PALLD: variants seen among roughly 807,000 people sequenced by gnomAD.
PALLD encodes the protein palladin.
A neutral mutation model predicts 123.5 loss-of-function variants in PALLD; 61 were observed. That is an observed-to-expected ratio of 0.49 (90% CI 0.40 to 0.61). PALLD has a LOEUF of 0.61. Ranked by LOEUF, PALLD falls within the 20% of genes least tolerant of loss-of-function variation. PALLD has a pLI of 0.00. For missense variants in PALLD, 1,273 were observed against 1,377.0 expected, an observed-to-expected ratio of 0.92 and a Z score of 1.20; for synonymous variants, 465 against 496.4, an observed-to-expected ratio of 0.94 and a Z score of 0.84.
chr4:168,840,728 T>C (rs941028427), intron 10 of PALLD, among the ~76,000 whole-genome samples: 2 of 152,222 alleles, frequency 1.3e-5, no homozygotes, highest in African/African-American at 2.4e-5. Context: ...GGTTGAGATA[T>C]GTGAAAGGCA....
chr4:168,693,654 A>G (rs1374274020), intron 8 of PALLD, among the ~76,000 whole-genome samples: 2 of 152,242 alleles, frequency 1.3e-5, no homozygotes, highest in Non-Finnish European at 2.9e-5. Context: ...TGGCAGAGAA[A>G]TATTTCTAGC....
intron 10 of PALLD, among the ~76,000 whole-genome samples, chr4:168,816,716 A>C (rs28712451): frequency 6.6e-6 from 1 of 151,756 alleles, no homozygotes; most frequent in Non-Finnish European, 1.5e-5. Flanking sequence ...CTGGTCCTTT[A>C]TGGTTTCCAA....
At chr4:168,719,122 G>C (rs13104002) in intron 10 of PALLD, among the ~76,000 whole-genome samples, 48,056 of 151,546 alleles carry the variant, frequency 0.32, 8,445 homozygotes, top group Non-Finnish European at 0.4. Context: ...TGGTCAGGCT[G>C]GTCTCAAACT....
Position 168,785,058 on chromosome 4 carries a change from CTTTTTTTTTTTTTTTTT to C in PALLD, c.1964+73148_1964+73164del, listed in dbSNP as rs746597278. 3.5e-5 allele frequency among the ~76,000 whole-genome samples: 3 copies of C among 84,830 alleles called. No homozygotes were observed. The East Asian group carries it at 1.6e-3, about 47-fold the overall frequency. The allele number at this position is 84,830 out of a possible 152,430, so 55.7% of individuals were successfully genotyped here. On this transcript the variant is annotated intron_variant, in intron 10 of 21. Coordinates refer to ENST00000505667, the MANE Select transcript of PALLD (RefSeq NM_001166108.2). ...AGCCCCAGCTTTTTTCTCCCTTTTG[CTTTTTTTTTTTTTTTTT>C]TTTTTTTTTTTTGTAATGAAAGGGT...
chr4:168,764,978 A>G (rs1733469613), intron 10 of PALLD, among the ~76,000 whole-genome samples: 1 of 152,190 alleles, frequency 6.6e-6, no homozygotes, highest in Non-Finnish European at 1.5e-5. Flanking sequence ...ACACTGCCCA[A>G]TATACCATAT....
chr4:168,688,970 A>G (rs568147339), intron 6 of PALLD, among the ~76,000 whole-genome samples: 2 of 152,338 alleles, frequency 1.3e-5, no homozygotes, highest in Non-Finnish European at 2.9e-5. Flanking sequence ...TTTTGATCTA[A>G]TAAATTAGCT....
At position 168,851,282 on chromosome 4, in the gene PALLD, A is replaced by C. The variant is rs566020541; in HGVS notation, c.1965-39640A>C. 1.6e-4 allele frequency among the ~76,000 whole-genome samples: 25 copies of C among 152,334 alleles called. 1 individual carries two copies. Among genetic ancestry groups the C allele is most frequent in the African/African-American group, 5.1e-4 (21 of 41,572 alleles). On this transcript the variant is annotated intron_variant, in intron 10 of 21. Coordinates refer to ENST00000505667, the MANE Select transcript of PALLD (RefSeq NM_001166108.2). ...GACTTAAATATATAAAATGGAAGAG[A>C]GAGGCAGGATAAAACTGTTTGATAA...
chr4:168,573,562 G>C (rs1769215291), intron 2 of PALLD, among the ~76,000 whole-genome samples: 1 of 152,016 alleles, frequency 6.6e-6, no homozygotes, highest in African/African-American at 2.4e-5. Flanking sequence ...GGTTTTTATT[G>C]GTGGGGGACA....
chr4:168,855,332 A>T (rs1581777394), intron 10 of PALLD, among the ~76,000 whole-genome samples: 2 of 151,862 alleles, frequency 1.3e-5, no homozygotes, highest in Admixed American at 1.3e-4. Context: ...CTCGTGATCC[A>T]CCCGCCTCGG....
intron 1 of PALLD, among the ~76,000 whole-genome samples, chr4:168,500,434 G>A (rs958475412): frequency 6.6e-6 from 1 of 152,046 alleles, no homozygotes. Context: ...CCTGATCATC[G>A]CTCACTGCAG....
intron 10 of PALLD, among the ~76,000 whole-genome samples, chr4:168,766,018 A>C (rs1733615752): frequency 6.6e-6 from 1 of 152,206 alleles, no homozygotes; most frequent in Non-Finnish European, 1.5e-5. Flanking sequence ...GCACACCCAT[A>C]TGGACTTAGT....
At chr4:168,679,034 TGTGTGTGGTGTGG>T (rs1297684879) in intron 3 of PALLD, among the ~76,000 whole-genome samples, 1 of 139,516 alleles carries the variant, frequency 7.2e-6, no homozygotes, top group African/African-American at 2.7e-5. Flanking sequence ...GTGTGGTGTG[TGTGTGTGGTGTGG>T]GTGTGTGTAG....
intron 3 of PALLD, among the ~76,000 whole-genome samples, chr4:168,675,647 G>C (rs1165728942): frequency 6.6e-6 from 1 of 152,240 alleles, no homozygotes; most frequent in Admixed American, 6.5e-5. Context: ...TGTAAGGGTT[G>C]AGTGGGTTAA....
chr4:168,791,133 T>C (rs1737459257), intron 10 of PALLD, among the ~76,000 whole-genome samples: 1 of 152,048 alleles, frequency 6.6e-6, no homozygotes, highest in Non-Finnish European at 1.5e-5. Context: ...GGAGGAAGTG[T>C]GTTTGCAGCC....
intron 10 of PALLD, among the ~76,000 whole-genome samples, chr4:168,736,520 A>C (rs749725996): frequency 6.6e-6 from 1 of 152,206 alleles, no homozygotes; most frequent in Non-Finnish European, 1.5e-5. Context: ...GAGACTTCTT[A>C]AGTGCCATTG....
At chr4:168,652,968 C>G (rs1181301316) in intron 2 of PALLD, among the ~76,000 whole-genome samples, 1 of 152,216 alleles carries the variant, frequency 6.6e-6, no homozygotes, top group African/African-American at 2.4e-5. Context: ...GTCCCACTTT[C>G]AGCCGTCAGT....
chr4:168,689,963 G>A (rs1782466083), intron 6 of PALLD, among the ~76,000 whole-genome samples: 1 of 152,152 alleles, frequency 6.6e-6, no homozygotes, highest in Admixed American at 6.5e-5. Flanking sequence ...TTATTGGTCT[G>A]GAGTTGGAGT....
At chr4:168,743,111 A>G (rs1448848571) in intron 10 of PALLD, among the ~76,000 whole-genome samples, 2 of 152,018 alleles carry the variant, frequency 1.3e-5, no homozygotes, top group African/African-American at 4.8e-5. Flanking sequence ...GATAACTCTC[A>G]CGCAATTACT....
rs551713809 is a variant in PALLD, at chr4:168,760,566, A to G, written c.1964+48643A>G. ...AAGGAACCCAAGTAGCAATTTCACC[A>G]TAGTCTCATCCCTCCAAATTTCTCC... On this transcript the variant is annotated intron_variant, in intron 10 of 21. Coordinates refer to ENST00000505667, the MANE Select transcript of PALLD (RefSeq NM_001166108.2). Among the ~76,000 whole-genome samples the G allele has an allele frequency of 2.6e-5, 4 of 152,240 alleles. No homozygotes were observed. The South Asian group carries it at 6.2e-4, about 24-fold the overall frequency.
Sources: allele counts gnomAD v4.1 joint callset (sites outside exome capture counted in the v4.1 genomes callset), GRCh38; gene constraint gnomAD v4.1.1; transcripts MANE v1.5; gene names NCBI Gene and HGNC (gene_info 2026-07-23, HGNC 2026-07-21).